Variants in FANCA observed in about 807,000 individuals in gnomAD.
FANCA encodes the protein FA complementation group A, also known as Fanconi anemia group A protein.
FANCA carries 236 observed loss-of-function variants against 194.3 expected under a neutral mutation model. The observed-to-expected ratio is 1.21, with a 90% CI of 1.09 to 1.35. FANCA has a LOEUF of 1.35. Among genes scored for constraint, FANCA ranks in the 40% most tolerant of loss-of-function variants. The probability of loss-of-function intolerance (pLI) is 0.00; values close to 1 mark genes in which losing one functional copy is unlikely to be tolerated. For missense variants in FANCA, 2,628 were observed against 1,813.9 expected, an observed-to-expected ratio of 1.45 and a Z score of -8.15; for synonymous variants, 1,014 against 715.8, an observed-to-expected ratio of 1.42 and a Z score of -6.65.
At position 89,803,333 on chromosome 16, in the gene FANCA, G is replaced by T. The variant is rs1184639006; in HGVS notation, c.718C>A (p.Gln240Lys). Residue 240 changes from glutamine (Q) to lysine (K), a missense_variant, in exon 8 of 43, where the codon CAA (glutamine) becomes AAA (lysine). Physicochemically the swap from Gln to Lys is moderately conservative, Grantham distance 53. Transcript: ENST00000389301. ...VARAMLSDFV[Q>K]MFVLRGFQKN... ...TGAAATCCCCTCAAAACAAACATTT[G>T]AACAAAATCTGAAAAACCATAAAAC... 1.2e-6 allele frequency: 2 copies of T among 1,613,792 alleles called. No individual in the cohort carries two copies. Among genetic ancestry groups the T allele is most frequent in the South Asian group, 1.1e-5 (1 of 91,038 alleles).
intron 14 of FANCA, among the ~76,000 whole-genome samples, chr16:89,790,129 C>T (rs547288655): frequency 1.2e-4 from 18 of 152,310 alleles, no homozygotes; most frequent in East Asian, 3.9e-4. Flanking sequence ...AGGCTGGGCA[C>T]GGTGGCTCAT....
At chr16:89,812,277 G>A (rs919705600) in intron 3 of FANCA, among the ~76,000 whole-genome samples, 2 of 150,482 alleles carry the variant, frequency 1.3e-5, no homozygotes, top group Non-Finnish European at 3.0e-5. Flanking sequence ...GGCGGAGTTT[G>A]CAGTGAGCCG....
intron 35 of FANCA, among the ~76,000 whole-genome samples, chr16:89,745,915 C>T (rs1222048464): frequency 6.6e-6 from 1 of 152,208 alleles, no homozygotes; most frequent in Admixed American, 6.5e-5. Context: ...CTCACGAATT[C>T]CACCAACTGA....
In FANCA at chr16:89,783,013, G is replaced by T. The variant is rs1486566215; in HGVS notation, c.1560C>A (p.Asp520Glu). ...GCATGGAGGGACAGCTTGCCTTGAG[G>T]TCGGCCAGCCGTGTCTTGGCCAATG... Reference protein sequence around the residue: ...YISLAKTRLADLKVSIENMGL... With the variant: ...YISLAKTRLAELKVSIENMGL... Residue 520 changes from aspartate to glutamate, a missense_variant, in exon 16 of 43, where the codon GAC becomes GAA. Physicochemically the swap from Asp to Glu is conservative, Grantham distance 45. Transcript: ENST00000389301. 1.2e-6 allele frequency: 2 copies of T among 1,614,028 alleles called. No individual in the cohort carries two copies. Among genetic ancestry groups the T allele is most frequent in the Non-Finnish European group, 1.7e-6 (2 of 1,179,882 alleles).
intron 33 of FANCA, among the ~76,000 whole-genome samples, chr16:89,747,574 C>G (rs1174018288): frequency 6.6e-6 from 1 of 152,120 alleles, no homozygotes; most frequent in Non-Finnish European, 1.5e-5. Flanking sequence ...CGGCAGGCAC[C>G]TGTAGTCCCA....
intron 2 of FANCA, 21 bp downstream of exon 2, chr16:89,815,856 C>T: frequency 6.3e-7 from 1 of 1,576,154 alleles, no homozygotes. Flanking sequence ...TGCCCGCAGA[C>T]GGACACCAGC....
At position 89,800,906 on chromosome 16, in the gene FANCA, G is replaced by A. The variant is rs369517445; in HGVS notation, c.793-1268C>T. On this transcript the variant is annotated intron_variant, in intron 8 of 42. Transcript: ENST00000389301. ...AAATTAGCTAGGTGCGGTGGCGGGT[G>A]TCTATAGTCCCAGCTACTCGGGAGA... is the stretch of plus-strand genomic sequence containing the variant. Among the ~76,000 whole-genome samples, 4 of 151,794 alleles carry A rather than the reference G, an allele frequency of 2.6e-5. No individual in the cohort carries two copies. The East Asian group carries it at 7.7e-4, about 29-fold the overall frequency.
chr16:89,750,736 G>A (rs1447362547), intron 31 of FANCA, among the ~76,000 whole-genome samples: 1 of 152,040 alleles, frequency 6.6e-6, no homozygotes, highest in Non-Finnish European at 1.5e-5. Flanking sequence ...TCCCGCCACT[G>A]CACTCCAGAG....
At chr16:89,799,025 C>G (rs767807355) in intron 10 of FANCA, 141 bp downstream of exon 10, 1 of 1,614,254 alleles carries the variant, frequency 6.2e-7, no homozygotes, top group South Asian at 1.1e-5. Context: ...CTCCTCCTCA[C>G]GCACGTTATC....
rs1250074064 is a variant in FANCA at position 89,758,689 on chromosome 16, A to C, written c.2869T>G (p.Trp957Gly). ...GGGAGAAAGTGCTCATGGATCGCCC[A>C]CTGGTGGAAGTCCTGCCTAGAACAG... ...SDTERQDFHQ[W>G]AIHEHFLPES... Residue 957 changes from tryptophan to glycine, a missense_variant, in exon 30 of 43, where the codon TGG (tryptophan) becomes GGG (glycine). Trp to Gly is a radical substitution (Grantham distance 184). Coordinates refer to ENST00000389301, the MANE Select transcript of FANCA (RefSeq NM_000135.4). 6.2e-7 allele frequency: 1 copy of C among 1,613,742 alleles called. No homozygotes were observed. The highest frequency in any genetic ancestry group is 2.2e-5 in the East Asian group (1 of 44,878).
chr16:89,790,266 C>T lies in FANCA; in HGVS notation c.1359+1137G>A, dbSNP rs116824178. On this transcript the variant is annotated intron_variant, in intron 14 of 42. Transcript: ENST00000389301. The stretch of plus-strand genomic sequence containing the variant: ...AAAATTAGCCAGGTGTGGTGGCGAA[C>T]GCCTGTAACCCCAGCTACTCGGGAG... 5.1e-3 allele frequency among the ~76,000 whole-genome samples: 775 copies of T among 151,330 alleles called. 6 individuals carry two copies. The highest frequency in any genetic ancestry group is 0.018 in the African/African-American group (749 of 41,154).
rs752735858 is a variant in FANCA, at chr16:89,758,599, C to T, written c.2959G>A (p.Ala987Thr). The stretch of plus-strand genomic sequence containing the variant: ...AACCTTTGGTGGAAATCCATCAGTG[C>T]GTTGACAAGAATGGTACACGCAGCC... ...LQAACTILVNALMDFHQSSRS... is the reference protein window; with the variant it reads ...LQAACTILVNTLMDFHQSSRS... Residue 987 changes from alanine to threonine, a missense_variant, in exon 30 of 43, where the codon GCA (alanine) becomes ACA (threonine). Ala to Thr is a moderately conservative substitution (Grantham distance 58). Transcript: ENST00000389301. 54 of 1,613,722 alleles carry T rather than the reference C, an allele frequency of 3.3e-5. No individual in the cohort carries two copies. The highest frequency in any genetic ancestry group is 4.4e-5 in the South Asian group (4 of 91,078).
chr16:89,812,036 AATTGTTT>A (rs1408245256), intron 3 of FANCA, among the ~76,000 whole-genome samples: 1 of 150,364 alleles, frequency 6.7e-6, no homozygotes, highest in Non-Finnish European at 1.5e-5. Context: ...AGCCAAAATT[AATTGTTT>A]AAAGAAACCG....
At position 89,772,063 on chromosome 16, in the gene FANCA, G is replaced by A. The variant is rs17226568; in HGVS notation, c.2015-249C>T. Among the ~76,000 whole-genome samples, 685 of 152,252 alleles carry A rather than the reference G, an allele frequency of 4.5e-3. 3 individuals carry two copies. Among genetic ancestry groups the A allele is most frequent in the African/African-American group, 0.016 (657 of 41,518 alleles). On this transcript the variant is annotated intron_variant, in intron 22 of 42. Coordinates refer to ENST00000389301, the MANE Select transcript of FANCA (RefSeq NM_000135.4). The stretch of plus-strand genomic sequence containing the variant: ...CCTTTTCCTGATTGGCTGAGAGGGG[G>A]ACATGTTCATTCACCAACATGAACC...
chr16:89,796,771 C>T (rs2040261480), intron 10 of FANCA, among the ~76,000 whole-genome samples: 1 of 152,188 alleles, frequency 6.6e-6, no homozygotes, highest in Admixed American at 6.5e-5. Context: ...GCCTGTAATC[C>T]CAGCACTCTG....
At chr16:89,754,487 C>T (rs1011442816) in intron 30 of FANCA, among the ~76,000 whole-genome samples, 2 of 152,182 alleles carry the variant, frequency 1.3e-5, no homozygotes, top group East Asian at 1.9e-4. Context: ...ATTCTTCTGC[C>T]TCAGCCTCCC....
intron 3 of FANCA, among the ~76,000 whole-genome samples, chr16:89,811,621 G>A (rs2040883924): frequency 6.6e-6 from 1 of 152,218 alleles, no homozygotes; most frequent in African/African-American, 2.4e-5. Flanking sequence ...ATTCTCCTGA[G>A]CAACCAGCCA....
At position 89,814,680 on chromosome 16, in the gene FANCA, C is replaced by T. The variant is rs1598199671; in HGVS notation, c.190-67G>A. ...GCTCCAGGCCAGGCGTAGTGGCTCA[C>T]GCCTGTAATCCCAGTACTTTGGGAG... On this transcript the variant is annotated intron_variant, in intron 2 of 42. Transcript: ENST00000389301. 1.5e-5 allele frequency: 17 copies of T among 1,137,288 alleles called. No homozygotes were observed. In the East Asian group the frequency reaches 2.8e-4, roughly 19 times the overall value. 70.4% of individuals were successfully genotyped at this position (1,137,288 alleles called of 1,614,324 possible).
chr16:89,739,947 G>GA (rs1567594853), intron 39 of FANCA, 47 bp downstream of exon 39: 2 of 1,609,600 alleles, frequency 1.2e-6, no homozygotes, highest in Admixed American at 3.3e-5. Flanking sequence ...AGATGCCTCT[G>GA]AAAAGAGCGG....
Sources: gnomAD v4.1 joint callset for allele counts (sites outside exome capture counted in the v4.1 genomes callset) on GRCh38, gnomAD v4.1.1 for gene constraint, MANE v1.5 for transcripts, NCBI Gene and HGNC (gene_info 2026-07-23, HGNC 2026-07-21) for gene names.